Variants in PTPRN2 observed in about 807,000 individuals in gnomAD.
The protein encoded by PTPRN2 is receptor-type tyrosine-protein phosphatase N2.
In PTPRN2, 74 loss-of-function variants were observed where a neutral mutation model predicts 118.8. The observed-to-expected ratio is 0.62, with a 90% CI of 0.52 to 0.76. PTPRN2 has a LOEUF of 0.76. PTPRN2 is among the 30% of genes least tolerant of loss of function. The pLI is 0.00. For missense variants in PTPRN2, 1,481 were observed against 1,394.4 expected, an observed-to-expected ratio of 1.06 and a Z score of -0.99; for synonymous variants, 641 against 608.0, an observed-to-expected ratio of 1.05 and a Z score of -0.80.
chr7:157,779,430 C>T lies in PTPRN2; in HGVS notation c.1789-96493G>A, dbSNP rs1276851794. Among the ~76,000 whole-genome samples the T allele has an allele frequency of 2.6e-5, 4 of 152,250 alleles. No homozygotes were observed. In the East Asian group the frequency reaches 7.7e-4, roughly 29 times the overall value. On this transcript the variant is annotated intron_variant, in intron 12 of 22. Coordinates refer to ENST00000389418, the MANE Select transcript of PTPRN2 (RefSeq NM_002847.5). The surrounding 1 kb of genome is among the most constrained non-coding windows in gnomAD (Gnocchi z 4.7). Reference sequence around the variant, plus strand: ...GGACCCTGCAGGCTGCCAGAATGACCGCCCACCCGCTGCCCCTCACCACAC... The same window carrying T: ...GGACCCTGCAGGCTGCCAGAATGACTGCCCACCCGCTGCCCCTCACCACAC...
At chr7:158,222,523 G>A (rs1190510385) in intron 3 of PTPRN2, among the ~76,000 whole-genome samples, 3 of 152,024 alleles carry the variant, frequency 2.0e-5, no homozygotes, top group Non-Finnish European at 2.9e-5. Flanking sequence ...AACTAAACAC[G>A]GAGTACACAC....
At chr7:158,299,994 C>T (rs1229642638) in intron 3 of PTPRN2, among the ~76,000 whole-genome samples, 1 of 152,166 alleles carries the variant, frequency 6.6e-6, no homozygotes, top group African/African-American at 2.4e-5. Context: ...TCAGAGCAGG[C>T]AAAACGAGCA....
At chr7:158,270,875 TCCAC>T (rs1798375290) in intron 3 of PTPRN2, among the ~76,000 whole-genome samples, 1 of 9,596 alleles carries the variant, frequency 1.0e-4, no homozygotes, top group African/African-American at 4.3e-4. Context: ...GACCGCCCCC[TCCAC>T]CTGGATGACC....
chr7:157,685,618 G>C (rs1797148560), intron 12 of PTPRN2, among the ~76,000 whole-genome samples: 1 of 152,166 alleles, frequency 6.6e-6, no homozygotes, highest in South Asian at 2.1e-4. Flanking sequence ...AGCCGAGGCT[G>C]TTCCCAGGGA....
At chr7:158,258,595 T>G (rs13247795) in intron 3 of PTPRN2, among the ~76,000 whole-genome samples, 18,170 of 152,126 alleles carry the variant, frequency 0.12, 1,258 homozygotes, top group African/African-American at 0.18. Context: ...AGGGTCTGTG[T>G]CTCCTCCCCT....
intron 13 of PTPRN2, chr7:157,669,412 CGT>C (rs1796295616): frequency 2.3e-6 from 1 of 425,820 alleles, no homozygotes; most frequent in Non-Finnish European, 4.7e-6. Context: ...AACCCACACA[CGT>C]GTTTGCACGC....
At chr7:157,994,871 TA>T (rs1345707189) in intron 11 of PTPRN2, among the ~76,000 whole-genome samples, 3 of 11,840 alleles carry the variant, frequency 2.5e-4, no homozygotes, top group Non-Finnish European at 3.4e-4. Flanking sequence ...TCCTTGTTCC[TA>T]AAATCAACGC....
At chr7:157,693,609 G>C (rs897975781) in intron 12 of PTPRN2, among the ~76,000 whole-genome samples, 2 of 151,986 alleles carry the variant, frequency 1.3e-5, no homozygotes, top group Non-Finnish European at 2.9e-5. Context: ...GGCCCTGCCC[G>C]GCCCGAGCGC....
intron 17 of PTPRN2, among the ~76,000 whole-genome samples, chr7:157,592,537 G>A (rs758852720): frequency 1.6e-4 from 24 of 150,498 alleles, no homozygotes; most frequent in African/African-American, 5.4e-4. Context: ...GAGTGTGGAC[G>A]CCGAGAGGCT....
At chr7:158,341,367 G>A (rs1477287225) in intron 2 of PTPRN2, among the ~76,000 whole-genome samples, 1 of 146,384 alleles carries the variant, frequency 6.8e-6, no homozygotes, top group African/African-American at 2.6e-5. Context: ...AACACATGCA[G>A]ACGTCACTCA....
intron 12 of PTPRN2, among the ~76,000 whole-genome samples, chr7:157,795,222 G>T (rs1435287217): frequency 1.3e-5 from 2 of 150,578 alleles, no homozygotes; most frequent in Non-Finnish European, 3.0e-5. Context: ...GCACCTGGGA[G>T]GGGGACTCAA....
chr7:157,910,573 G>T (rs895635678), intron 11 of PTPRN2, among the ~76,000 whole-genome samples: 1 of 152,258 alleles, frequency 6.6e-6, no homozygotes, highest in Non-Finnish European at 1.5e-5. Flanking sequence ...CACGTACACC[G>T]TTCTGCACAG....
In PTPRN2 at chr7:157,813,701, C is replaced by T. The variant is rs1003389424; in HGVS notation, c.1788+84972G>A. On this transcript the variant is annotated intron_variant, in intron 12 of 22. Transcript: ENST00000389418. This position sits in a 1 kb window ranked among gnomAD's most constrained non-coding sequence, Gnocchi z 4.7. ...GATGTCCACTGAGGAATGAGCATTG[C>T]TTTTTAATTAGCAGCTGCCCCGAGT... 1.3e-5 allele frequency among the ~76,000 whole-genome samples: 2 copies of T among 152,204 alleles called. No individual in the cohort carries two copies. Among genetic ancestry groups the T allele is most frequent in the Non-Finnish European group, 2.9e-5 (2 of 68,046 alleles).
intron 12 of PTPRN2, among the ~76,000 whole-genome samples, chr7:157,733,053 T>C (rs372155560): frequency 2.4e-3 from 45 of 18,492 alleles, no homozygotes; most frequent in Middle Eastern, 0.036. Flanking sequence ...GTTACCCTTT[T>C]CCGTCCCACG....
At chr7:157,822,989 A>G (rs1806946159) in intron 12 of PTPRN2, among the ~76,000 whole-genome samples, 1 of 151,716 alleles carries the variant, frequency 6.6e-6, no homozygotes, top group Admixed American at 6.6e-5. Flanking sequence ...TCATCCATCC[A>G]CCCATGATCC....
At chr7:158,117,374 T>C (rs1816813403) in intron 9 of PTPRN2, among the ~76,000 whole-genome samples, 1 of 150,738 alleles carries the variant, frequency 6.6e-6, no homozygotes, top group Admixed American at 6.6e-5. Context: ...GTCTAAGAAA[T>C]AGAAAAAAAG....
At position 158,521,511 on chromosome 7, in the gene PTPRN2, C is replaced by T. The variant is rs139325223; in HGVS notation, c.113-31726G>A. 4.3e-4 allele frequency among the ~76,000 whole-genome samples: 66 copies of T among 152,240 alleles called. 7 individuals are homozygous for T. Among genetic ancestry groups the T allele is most frequent in the African/African-American group, 1.4e-3 (58 of 41,490 alleles). ...GACGAATGATTTCTCAGGAGCAGCA[C>T]GCTGGGTGCTGGCTCAGGAGGAAGG... is the stretch of plus-strand genomic sequence containing the variant. On this transcript the variant is annotated intron_variant, in intron 1 of 22. Coordinates refer to ENST00000389418, the MANE Select transcript of PTPRN2 (RefSeq NM_002847.5).
At chr7:157,928,926 G>A (rs1256519716) in intron 11 of PTPRN2, among the ~76,000 whole-genome samples, 3 of 152,000 alleles carry the variant, frequency 2.0e-5, no homozygotes, top group African/African-American at 7.3e-5. Context: ...TGGGACAGAA[G>A]GCAGCACACA....
intron 13 of PTPRN2, among the ~76,000 whole-genome samples, chr7:157,660,247 C>T (rs1350525920): frequency 2.0e-5 from 3 of 152,186 alleles, no homozygotes; most frequent in South Asian, 2.1e-4. Context: ...GGATTTGAAA[C>T]GCTGGAGATT....
Sources: gnomAD v4.1 joint callset for allele counts (sites outside exome capture counted in the v4.1 genomes callset) on GRCh38, gnomAD v4.1.1 for gene constraint, Gnocchi (gnomAD v3.1) non-coding constraint, MANE v1.5 for transcripts, NCBI Gene and HGNC (gene_info 2026-07-23, HGNC 2026-07-21) for gene names.